Variants in CDC27 observed in about 807,000 individuals in gnomAD.
The protein encoded by CDC27 is cell division cycle protein 27 homolog.
CDC27 carries 27 observed loss-of-function variants against 109.7 expected under a neutral mutation model. The ratio of observed to expected loss-of-function variants is 0.25; its 90% CI spans 0.18 to 0.34. CDC27 has a LOEUF of 0.34. Ranked by LOEUF, CDC27 falls within the 10% of genes least tolerant of loss-of-function variation. The probability of loss-of-function intolerance (pLI) is 1.00; values close to 1 mark genes in which losing one functional copy is unlikely to be tolerated. For missense variants in CDC27, 579 were observed against 960.2 expected (o/e 0.60, Z 5.25); for synonymous variants, 266 against 333.9 (o/e 0.80, Z 2.22).
At chr17:47,185,437 C>A (rs1351727451) in intron 1 of CDC27, among the ~76,000 whole-genome samples, 1 of 152,146 alleles carries the variant, frequency 6.6e-6, no homozygotes, top group Non-Finnish European at 1.5e-5. Flanking sequence ...CCTGCCTCAG[C>A]CCCCCAAAGT....
chr17:47,158,964 C>T (rs966614753), intron 4 of CDC27, among the ~76,000 whole-genome samples: 2 of 152,268 alleles, frequency 1.3e-5, no homozygotes, highest in East Asian at 3.9e-4. Context: ...ATTGCCCAGG[C>T]AGGTCTCGAA....
chr17:47,175,637 G>A (rs944756694), intron 2 of CDC27, among the ~76,000 whole-genome samples: 4 of 152,130 alleles, frequency 2.6e-5, no homozygotes, highest in African/African-American at 7.2e-5. Context: ...CCAACATGGC[G>A]AAACCCCATC....
chr17:47,149,485 T>A (rs2063085046), intron 9 of CDC27, among the ~76,000 whole-genome samples: 1 of 138,858 alleles, frequency 7.2e-6, no homozygotes, highest in African/African-American at 2.7e-5. Context: ...CACTTCAGCC[T>A]GGTGACAGAG....
At chr17:47,179,410 T>C (rs1286833652) in intron 2 of CDC27, among the ~76,000 whole-genome samples, 1 of 152,182 alleles carries the variant, frequency 6.6e-6, no homozygotes, top group Non-Finnish European at 1.5e-5. Context: ...TGATGCCTAC[T>C]ATGGTTGCAA....
intron 16 of CDC27, among the ~76,000 whole-genome samples, chr17:47,125,235 C>CTTTTTTTTT (rs58631604): frequency 2.1e-5 from 1 of 48,020 alleles, no homozygotes; most frequent in African/African-American, 8.9e-5. Context: ...TTAAAGAAAT[C>CTTTTTTTTT]TTTTTTTTTT....
intron 2 of CDC27, among the ~76,000 whole-genome samples, chr17:47,173,346 T>C (rs1373242330): frequency 6.6e-6 from 1 of 151,140 alleles, no homozygotes; most frequent in Non-Finnish European, 1.5e-5. Flanking sequence ...TTTAATGAGA[T>C]GTATAGTAGT....
chr17:47,145,534 T>G (rs1598460577), intron 9 of CDC27, among the ~76,000 whole-genome samples: 1 of 152,188 alleles, frequency 6.6e-6, no homozygotes, highest in African/African-American at 2.4e-5. Flanking sequence ...TATGAGCTCC[T>G]GGGACCGTGC....
intron 9 of CDC27, among the ~76,000 whole-genome samples, chr17:47,148,498 A>G (rs1235705116): frequency 6.6e-6 from 1 of 152,198 alleles, no homozygotes; most frequent in African/African-American, 2.4e-5. Flanking sequence ...AGACATGGAC[A>G]TAATATTTGA....
chr17:47,164,029 G>A (rs2148942987), intron 4 of CDC27, among the ~76,000 whole-genome samples: 1 of 152,324 alleles, frequency 6.6e-6, no homozygotes, highest in East Asian at 1.9e-4. Flanking sequence ...CTCCCAAAAT[G>A]CTGGGATTAT....
chr17:47,133,075 A>G (rs908513367), intron 14 of CDC27, among the ~76,000 whole-genome samples: 1 of 83,778 alleles, frequency 1.2e-5, no homozygotes, highest in African/African-American at 5.0e-5. Flanking sequence ...ACACACACAC[A>G]CACACACACA....
chr17:47,126,803 T>C (rs186129379), intron 16 of CDC27, among the ~76,000 whole-genome samples: 3 of 128,472 alleles, frequency 2.3e-5, no homozygotes, highest in African/African-American at 9.2e-5. Flanking sequence ...ATGAAAAAAA[T>C]TTTTTTTTGA....
At chr17:47,142,814 G>A (rs918957875) in intron 10 of CDC27, among the ~76,000 whole-genome samples, 1 of 152,210 alleles carries the variant, frequency 6.6e-6, no homozygotes, top group Non-Finnish European at 1.5e-5. Context: ...GCGTAACTGA[G>A]ATTACAGGCA....
In CDC27 at chr17:47,137,142, T is replaced by G; in HGVS notation, c.1913+10A>C. ...ATACGACTTTGTCTTTGTACTTCAT[T>G]ACCACTTACCATGCATTATAATGTC... On this transcript the variant is annotated intron_variant, in intron 14 of 18. Transcript: ENST00000066544. 1.9e-6 allele frequency: 3 copies of G among 1,538,840 alleles called. No homozygotes were observed. The highest frequency in any genetic ancestry group is 2.7e-6 in the Non-Finnish European group (3 of 1,125,354).
In CDC27 at chr17:47,143,871, T is replaced by A. The variant is rs199746290; in HGVS notation, c.1170+12A>T. On this transcript the variant is annotated intron_variant, in intron 10 of 18. Transcript: ENST00000066544. ...ATTAAGTAAATGTGACATACAGAAATCTTTAAATTACCTTGGTTGTGGAGC... is the reference window on the plus strand; with the variant it reads ...ATTAAGTAAATGTGACATACAGAAAACTTTAAATTACCTTGGTTGTGGAGC... 2.1e-4 allele frequency: 277 copies of A among 1,341,602 alleles called. No individual in the cohort carries two copies. Among genetic ancestry groups the A allele is most frequent in the Admixed American group, 4.4e-4 (19 of 43,358 alleles). The allele number at this position is 1,341,602 out of a possible 1,614,324, so 83.1% of individuals were successfully genotyped here. A position where few individuals can be genotyped will look rare whatever the true frequency, so the allele number is the denominator to read the frequency against.
At chr17:47,130,403 T>G (rs189028638) in intron 15 of CDC27, among the ~76,000 whole-genome samples, 2 of 151,966 alleles carry the variant, frequency 1.3e-5, no homozygotes, top group Non-Finnish European at 2.9e-5. Flanking sequence ...AAAAGAAAAA[T>G]GATTTTACTG....
intron 2 of CDC27, among the ~76,000 whole-genome samples, chr17:47,177,106 G>A (rs929915080): frequency 6.6e-6 from 1 of 152,090 alleles, no homozygotes; most frequent in African/African-American, 2.4e-5. Context: ...CACTAAGACA[G>A]GTAGAAAATT....
In CDC27 at chr17:47,143,915, G is replaced by A. The variant is rs201321536; in HGVS notation, c.1138C>T (p.Arg380Ter). The stretch of plus-strand genomic sequence containing the variant: ...GTGGAGCTGTCACTAGTAAAGAGTC[G>A]TGAACTTCTTCGAGGCAGTGCGTTT... ...PPNALPRRSS[R>*]LFTSDSSTTK... The change falls in exon 10 of 19, where the codon CGA becomes TGA. Residue 380 changes from arginine to a stop codon, truncating the protein, a stop_gained. Transcript: ENST00000066544. LOFTEE classifies it high-confidence loss of function. 2 of 1,493,110 alleles carry A rather than the reference G, an allele frequency of 1.3e-6. No individual in the cohort carries two copies. The highest frequency in any genetic ancestry group is 2.5e-5 in the East Asian group (1 of 39,366). The allele number at this position is 1,493,110 out of a possible 1,614,324, so 92.5% of individuals were successfully genotyped here. A position where few individuals can be genotyped will look rare whatever the true frequency, so the allele number is the denominator to read the frequency against.
intron 7 of CDC27, 60 bp from the exon 8 acceptor site, chr17:47,154,846 T>C (rs2063252922): frequency 1.3e-6 from 1 of 779,466 alleles, no homozygotes; most frequent in Non-Finnish European, 2.2e-6. Context: ...AAAGCAGCAG[T>C]ATACTTAAAT....
At chr17:47,143,047 C>T (rs1160661908) in intron 10 of CDC27, among the ~76,000 whole-genome samples, 1 of 151,956 alleles carries the variant, frequency 6.6e-6, no homozygotes, top group Non-Finnish European at 1.5e-5. Context: ...TCAGAGCTCA[C>T]CACAGCCTTG....
Sources: allele counts gnomAD v4.1 joint callset (sites outside exome capture counted in the v4.1 genomes callset), GRCh38; gene constraint gnomAD v4.1.1; transcripts MANE v1.5; gene names NCBI Gene and HGNC (gene_info 2026-07-23, HGNC 2026-07-21).